The following CRYBG1 variants were observed in gnomAD, a reference collection of about 807,000 sequenced individuals.
CRYBG1 encodes crystallin beta-gamma domain containing 1, also known as beta/gamma crystallin domain-containing protein 1.
CRYBG1 carries 139 observed loss-of-function variants against 189.2 expected under a neutral mutation model. The ratio of observed to expected loss-of-function variants is 0.73; its 90% CI spans 0.64 to 0.85. CRYBG1 has a LOEUF of 0.85. Ranked by LOEUF, CRYBG1 falls within the 40% of genes least tolerant of loss-of-function variation. CRYBG1 has a pLI of 0.00. For synonymous variants in CRYBG1, 1,023 were observed against 1,017.1 expected (o/e 1.01, Z -0.11); for missense variants, 2,611 against 2,675.8 (o/e 0.98, Z 0.53).
chr6:106,369,538 C>G (rs933980682), intron 1 of CRYBG1, among the ~76,000 whole-genome samples: 2 of 152,106 alleles, frequency 1.3e-5, no homozygotes, highest in African/African-American at 2.4e-5. Flanking sequence ...TAATTTTTTT[C>G]AAATTTGTTT....
At chr6:106,364,232 C>T (rs1771937536) in intron 1 of CRYBG1, among the ~76,000 whole-genome samples, 1 of 152,032 alleles carries the variant, frequency 6.6e-6, no homozygotes, top group South Asian at 2.1e-4. Flanking sequence ...GAGGCTGAGA[C>T]AGGAGAATCC....
chr6:106,497,743 A>G (rs1582797209), intron 2 of CRYBG1, among the ~76,000 whole-genome samples: 1 of 152,358 alleles, frequency 6.6e-6, no homozygotes, highest in East Asian at 1.9e-4. Context: ...GAAGATAACA[A>G]TTATCACCTC....
rs1358964641 is a variant in CRYBG1 at position 106,555,898 on chromosome 6, G to GT, written c.5715+2dup. ...CAAGTCTCTTCGTTTTATAGATGTT[G>GT]TAAGTATGTCATTGTGAATAGTGTT... On this transcript the variant is annotated splice_donor_variant, in intron 17 of 21. Coordinates refer to ENST00000633556, the MANE Select transcript of CRYBG1 (RefSeq NM_001371242.2). LOFTEE classifies it high-confidence loss of function. 5.0e-6 allele frequency: 8 copies of GT among 1,614,050 alleles called. No homozygotes were observed. The Admixed American group carries it at 1.3e-4, about 27-fold the overall frequency.
At chr6:106,415,474 C>G (rs970003558) in intron 1 of CRYBG1, among the ~76,000 whole-genome samples, 2 of 151,848 alleles carry the variant, frequency 1.3e-5, no homozygotes, top group Admixed American at 1.3e-4. Context: ...CCTGTAATCC[C>G]GGCAATTTGA....
intron 1 of CRYBG1, among the ~76,000 whole-genome samples, chr6:106,414,041 G>A (rs936213914): frequency 5.9e-5 from 9 of 152,100 alleles, no homozygotes; most frequent in South Asian, 2.1e-4. Flanking sequence ...TTTAGCATCC[G>A]ACTCAGTGAA....
chr6:106,405,986 A>G (rs953402234), intron 1 of CRYBG1, among the ~76,000 whole-genome samples: 3 of 152,080 alleles, frequency 2.0e-5, no homozygotes, highest in Non-Finnish European at 2.9e-5. Flanking sequence ...AAGGATCACA[A>G]CTCTTCGCCA....
intron 1 of CRYBG1, among the ~76,000 whole-genome samples, chr6:106,408,817 C>A (rs1770872524): frequency 6.6e-6 from 1 of 152,138 alleles, no homozygotes; most frequent in Non-Finnish European, 1.5e-5. Context: ...AGATAAAATT[C>A]AACACCCTTT....
intron 2 of CRYBG1, among the ~76,000 whole-genome samples, chr6:106,508,226 C>T (rs1174337922): frequency 6.6e-6 from 1 of 152,202 alleles, no homozygotes; most frequent in African/African-American, 2.4e-5. Context: ...CTGGTCAATA[C>T]AGTGAGACCC....
chr6:106,508,398 CAT>C (rs1185858270), intron 2 of CRYBG1, among the ~76,000 whole-genome samples: 1 of 152,166 alleles, frequency 6.6e-6, no homozygotes, highest in African/African-American at 2.4e-5. Context: ...GATAAGTACT[CAT>C]GTGTAACCAT....
chr6:106,416,022 C>A (rs947873740), intron 1 of CRYBG1, among the ~76,000 whole-genome samples: 1 of 152,156 alleles, frequency 6.6e-6, no homozygotes, highest in African/African-American at 2.4e-5. Context: ...GCCAGCTTTG[C>A]GGTGCCCATC....
In CRYBG1 at chr6:106,511,554, C is replaced by T; in HGVS notation, c.437C>T (p.Ala146Val). 1 of 1,535,786 alleles carries T rather than the reference C, an allele frequency of 6.5e-7. No individual in the cohort carries two copies. ...NGLESPTRSNAKPLSPKDVVA... is the reference protein window; with the variant it reads ...NGLESPTRSNVKPLSPKDVVA... ...TTAGAGAGTCCCACCAGATCAAATG[C>T]CAAACCACTCTCTCCCAAAGATGTG... Residue 146 changes from alanine (A) to valine (V), a missense_variant, in exon 3 of 22, where the codon GCC becomes GTC. Around this residue, in one of 3 missense-constraint regions of CRYBG1, gnomAD observed 985 missense variants for 924.4 expected, o/e 1.07. Transcript: ENST00000633556.
At chr6:106,422,344 A>ATTTATTTTTTTTTTT (rs57640822) in intron 1 of CRYBG1, among the ~76,000 whole-genome samples, 27 of 139,986 alleles carry the variant, frequency 1.9e-4, no homozygotes, top group African/African-American at 5.3e-4. Context: ...TTATTTATTT[A>ATTTATTTTTTTTTTT]TTTTTGAGAC....
At chr6:106,385,275 A>G (rs970165439) in intron 1 of CRYBG1, among the ~76,000 whole-genome samples, 1 of 152,198 alleles carries the variant, frequency 6.6e-6, no homozygotes, top group Non-Finnish European at 1.5e-5. Flanking sequence ...TCAAACAGAC[A>G]TGGGTTAAGG....
At chr6:106,552,659 G>A (rs1472223078) in intron 15 of CRYBG1, among the ~76,000 whole-genome samples, 1 of 147,514 alleles carries the variant, frequency 6.8e-6, no homozygotes, top group Non-Finnish European at 1.5e-5. Flanking sequence ...TTTTATGCCT[G>A]AAAGCATAAT....
intron 17 of CRYBG1, among the ~76,000 whole-genome samples, chr6:106,557,290 T>C (rs1037955): frequency 0.85 from 129,491 of 152,198 alleles, 55,409 homozygotes; most frequent in Non-Finnish European, 0.89. Flanking sequence ...TGTTTACTGA[T>C]GGACAAAATC....
intron 21 of CRYBG1, 39 bp downstream of exon 21, chr6:106,563,965 TATGTCTTTTA>T (rs969015411): frequency 1.3e-6 from 2 of 1,562,500 alleles, no homozygotes; most frequent in African/African-American, 2.7e-5. Flanking sequence ...TTGTAATGTG[TATGTCTTTTA>T]GTTAAGGAAA....
intron 2 of CRYBG1, among the ~76,000 whole-genome samples, chr6:106,481,573 G>A (rs1413966465): frequency 8.9e-6 from 1 of 111,926 alleles, no homozygotes; most frequent in African/African-American, 3.8e-5. Flanking sequence ...TTGTTCTTCC[G>A]TCCCTCTCCA....
intron 3 of CRYBG1, among the ~76,000 whole-genome samples, chr6:106,515,002 C>T (rs978108167): frequency 2.0e-5 from 3 of 152,170 alleles, no homozygotes; most frequent in African/African-American, 4.8e-5. Flanking sequence ...ATGACCGTAT[C>T]GCAAGATGTT....
intron 7 of CRYBG1, 65 bp from the exon 8 acceptor site, chr6:106,530,111 T>G (rs2114554641): frequency 9.5e-6 from 13 of 1,367,966 alleles, no homozygotes; most frequent in South Asian, 8.2e-5. Flanking sequence ...AGAAGAAGAA[T>G]GAGCTTACTA....
Sources: gnomAD v4.1 joint callset for allele counts (sites outside exome capture counted in the v4.1 genomes callset) on GRCh38, gnomAD v4.1.1 for gene constraint, gnomAD v4.1.1 regional missense constraint, MANE v1.5 for transcripts, NCBI Gene and HGNC (gene_info 2026-07-23, HGNC 2026-07-21) for gene names.